Variants in ZNF584 observed in about 807,000 individuals in gnomAD.
ZNF584 encodes the protein zinc finger protein 584.
In ZNF584, 12 loss-of-function variants were observed where a neutral mutation model predicts 14.7. That is an observed-to-expected ratio of 0.82 (90% CI 0.52 to 1.32). The LOEUF (loss-of-function observed/expected upper bound fraction) is 1.32. Among genes scored for constraint, ZNF584 ranks in the 40% most tolerant of loss-of-function variants. ZNF584 has a pLI of 0.00. For synonymous variants in ZNF584, 204 were observed against 190.9 expected, an observed-to-expected ratio of 1.07 and a Z score of -0.57; for missense variants, 478 against 518.8, an observed-to-expected ratio of 0.92 and a Z score of 0.76.
intron 3 of ZNF584, chr19:58,415,987 A>G: frequency 6.3e-7 from 1 of 1,583,008 alleles, no homozygotes; most frequent in Non-Finnish European, 8.6e-7. Context: ...AACACCAGCT[A>G]CTATTTTGGA....
In ZNF584 at chr19:58,410,625, G is replaced by A. The variant is rs143641212; in HGVS notation, c.169+534G>A. ...TATGTATATATATGTGTATATATGTGTATATATGTGTATATATATGTGTAT... is the reference window on the plus strand; with the variant it reads ...TATGTATATATATGTGTATATATGTATATATATGTGTATATATATGTGTAT... On this transcript the variant is annotated intron_variant, in intron 2 of 3. Transcript: ENST00000306910. Among the ~76,000 whole-genome samples the A allele has an allele frequency of 5.8e-4, 24 of 41,674 alleles. 1 individual carries two copies. The highest frequency in any genetic ancestry group is 3.5e-3 in the African/African-American group (16 of 4,538). The allele number at this position is 41,674 out of a possible 152,430, so 27.3% of individuals were successfully genotyped here. A position where few individuals can be genotyped will look rare whatever the true frequency, so the allele number is the denominator to read the frequency against.
intron 1 of ZNF584, among the ~76,000 whole-genome samples, chr19:58,402,461 G>A (rs2052437500): frequency 6.6e-6 from 1 of 152,308 alleles, no homozygotes; most frequent in South Asian, 2.1e-4. Flanking sequence ...ACATCTACTT[G>A]TTCTTTCAAA....
rs1323166767 is a variant in ZNF584 at position 58,410,639 on chromosome 19, ATATATGTG to A, written c.169+554_169+561del. On this transcript the variant is annotated intron_variant, in intron 2 of 3. Coordinates refer to ENST00000306910, the MANE Select transcript of ZNF584 (RefSeq NM_173548.3). ...TGTATATATGTGTATATATGTGTAT[ATATATGTG>A]TATATATGTGTATATATGTATATAT... Among the ~76,000 whole-genome samples the A allele has an allele frequency of 2.9e-3, 88 of 30,542 alleles. 17 individuals carry two copies. Among genetic ancestry groups the A allele is most frequent in the Non-Finnish European group, 4.1e-3 (76 of 18,744 alleles). 20.0% of individuals were successfully genotyped at this position (30,542 alleles called of 152,430 possible).
upstream of ZNF584, among the ~76,000 whole-genome samples, chr19:58,407,688 C>G (rs2052485678): frequency 6.6e-6 from 1 of 152,240 alleles, no homozygotes; most frequent in African/African-American, 2.4e-5. Context: ...TCCAGCACCA[C>G]TTCAGGTAGA....
chr19:58,408,918 C>T lies in ZNF584; in HGVS notation c.-230C>T, dbSNP rs2052503098. 1 of 438,188 alleles carries T rather than the reference C, an allele frequency of 2.3e-6. No individual in the cohort carries two copies. The highest frequency in any genetic ancestry group is 3.6e-5 in the East Asian group (1 of 27,960). The allele number at this position is 438,188 out of a possible 1,614,324, so 27.1% of individuals were successfully genotyped here. On this transcript the variant is annotated 5_prime_UTR_variant, in exon 1 of 4. Transcript: ENST00000306910. ...CGCCGTGCCCCACCGGCGAGTGGCT[C>T]CATCTTCCTCAGACTTATCGCTCGC...
chr19:58,404,793 T>C (rs369769323), upstream of ZNF584: 19,887 of 171,394 alleles, frequency 0.12, 2,326 homozygotes, highest in Non-Finnish European at 0.13. Flanking sequence ...GGGCTCCTCA[T>C]TTCCCAGTAG....
upstream of ZNF584, chr19:58,404,440 G>C (rs376107996): frequency 4.8e-4 from 75 of 155,296 alleles, no homozygotes; most frequent in South Asian, 4.5e-3. Flanking sequence ...TGACTCTTAA[G>C]GAGCATGCTG....
At chr19:58,412,198 T>C (rs79233522) in intron 2 of ZNF584, among the ~76,000 whole-genome samples, 2,554 of 106,276 alleles carry the variant, frequency 0.024, 173 homozygotes, top group African/African-American at 0.13. Flanking sequence ...GCCAGGGTGG[T>C]CTTTTTTTTT....
chr19:58,410,751 A>ATATATG, intron 2 of ZNF584, among the ~76,000 whole-genome samples: 1 of 33,778 alleles, frequency 3.0e-5, no homozygotes, highest in African/African-American at 2.9e-4. Context: ...GTGTGTATAT[A>ATATATG]TATATATATA....
At chr19:58,411,983 T>G (rs1160840649) in intron 2 of ZNF584, among the ~76,000 whole-genome samples, 1 of 143,622 alleles carries the variant, frequency 7.0e-6, no homozygotes, top group Non-Finnish European at 1.5e-5. Flanking sequence ...ACTTGTTTTT[T>G]TTTTTTTTTT....
intron 1 of ZNF584, among the ~76,000 whole-genome samples, chr19:58,402,764 C>T (rs1273602800): frequency 7.7e-6 from 1 of 130,584 alleles, no homozygotes; most frequent in Non-Finnish European, 1.6e-5. Context: ...GCGGAGGTTG[C>T]GGCGAGCCGA....
At chr19:58,410,528 T>TATAC (rs1555785486) in intron 2 of ZNF584, among the ~76,000 whole-genome samples, 10 of 17,992 alleles carry the variant, frequency 5.6e-4, no homozygotes, top group Non-Finnish European at 9.8e-4. Flanking sequence ...AATATATATA[T>TATAC]ATATATATAT....
Position 58,410,607 on chromosome 19 carries a change from A to ATATATGTG in ZNF584, c.169+522_169+529dup, listed in dbSNP as rs1202620471. ...TGTATATATATGTATATATATGTATATATATGTGTATATATGTGTATATAT... is the reference window on the plus strand; with the variant it reads ...TGTATATATATGTATATATATGTATATATATGTGTATATGTGTATATATGTGTATATAT... On this transcript the variant is annotated intron_variant, in intron 2 of 3. Transcript: ENST00000306910. Among the ~76,000 whole-genome samples the ATATATGTG allele has an allele frequency of 5.4e-4, 24 of 44,370 alleles. 5 individuals are homozygous for ATATATGTG. The highest frequency in any genetic ancestry group is 5.1e-3 in the African/African-American group (24 of 4,696). The allele number at this position is 44,370 out of a possible 152,430, so 29.1% of individuals were successfully genotyped here. A position where few individuals can be genotyped will look rare whatever the true frequency, so the allele number is the denominator to read the frequency against.
rs1218311086 is a variant in ZNF584 at position 58,409,256 on chromosome 19, G to A, written c.18+91G>A. 43 of 1,324,456 alleles carry A rather than the reference G, an allele frequency of 3.2e-5. No individual in the cohort carries two copies. The South Asian group carries it at 6.5e-4, about 20-fold the overall frequency. The allele number at this position is 1,324,456 out of a possible 1,614,324, so 82.0% of individuals were successfully genotyped here. On this transcript the variant is annotated intron_variant, in intron 1 of 3. Transcript: ENST00000306910. Reference sequence around the variant, plus strand: ...AGAGTTGGAGGAGGGCAGGAGATCTGCGTATGATTCCAGGGGGAGGTCTTT... The same window carrying A: ...AGAGTTGGAGGAGGGCAGGAGATCTACGTATGATTCCAGGGGGAGGTCTTT...
chr19:58,412,358 C>T (rs10411892), intron 2 of ZNF584, among the ~76,000 whole-genome samples: 46,436 of 150,708 alleles, frequency 0.31, 7,676 homozygotes, highest in African/African-American at 0.44. Flanking sequence ...TACAGGCGCC[C>T]GCCACCGCGC....
rs2052504083 is a variant in ZNF584, at chr19:58,408,968, GC to G, written c.-178del. On this transcript the variant is annotated 5_prime_UTR_variant, in exon 1 of 4. Coordinates refer to ENST00000306910, the MANE Select transcript of ZNF584 (RefSeq NM_173548.3). ...CGGACAGGCGCCGTGGGTCTCCCGG[GC>G]CTCCGTACCGTCCTCCTTCCCAGCG... is the stretch of plus-strand genomic sequence containing the variant. 6.1e-6 allele frequency: 4 copies of G among 661,062 alleles called. No individual in the cohort carries two copies. The highest frequency in any genetic ancestry group is 3.8e-5 in the African/African-American group (2 of 52,474). The allele number at this position is 661,062 out of a possible 1,614,324, so 40.9% of individuals were successfully genotyped here. A position where few individuals can be genotyped will look rare whatever the true frequency, so the allele number is the denominator to read the frequency against.
chr19:58,403,966 A>C (rs899052488), upstream of ZNF584, among the ~76,000 whole-genome samples: 3 of 151,814 alleles, frequency 2.0e-5, no homozygotes, highest in African/African-American at 7.3e-5. Context: ...CTCAAAAAAA[A>C]AAAAAAAAAA....
In ZNF584 at chr19:58,410,655, GTGTATATA is replaced by G. The variant is rs1397157608; in HGVS notation, c.169+576_169+583del. Among the ~76,000 whole-genome samples the G allele has an allele frequency of 1.9e-4, 4 of 20,686 alleles. 1 individual carries two copies. The highest frequency in any genetic ancestry group is 1.0e-3 in the African/African-American group (2 of 1,980). 13.6% of individuals were successfully genotyped at this position (20,686 alleles called of 152,430 possible). A position where few individuals can be genotyped will look rare whatever the true frequency, so the allele number is the denominator to read the frequency against. On this transcript the variant is annotated intron_variant, in intron 2 of 3. Transcript: ENST00000306910. ...TATGTGTATATATATGTGTATATAT[GTGTATATA>G]TGTATATATGTGTATATATATGTAT...
chr19:58,417,895 G>T lies in ZNF584; in HGVS notation c.*111G>T. ...TTGCACATCCCAACACCCACCCCAG[G>T]GAGAGTTCCCGTGTGTGCCTGGTGT... On this transcript the variant is annotated 3_prime_UTR_variant, in exon 4 of 4. Coordinates refer to ENST00000306910, the MANE Select transcript of ZNF584 (RefSeq NM_173548.3). The T allele has an allele frequency of 1.5e-6, 2 of 1,367,634 alleles. No homozygotes were observed. The highest frequency in any genetic ancestry group is 4.6e-5 in the Admixed American group (2 of 43,918). The allele number at this position is 1,367,634 out of a possible 1,614,324, so 84.7% of individuals were successfully genotyped here.
Sources: allele counts gnomAD v4.1 joint callset (sites outside exome capture counted in the v4.1 genomes callset), GRCh38; gene constraint gnomAD v4.1.1; transcripts MANE v1.5; gene names NCBI Gene and HGNC (gene_info 2026-07-23, HGNC 2026-07-21).